The following SAXO1 variants were observed in gnomAD, a reference collection of about 807,000 sequenced individuals.
SAXO1 encodes stabilizer of axonemal microtubules 1.
A neutral mutation model predicts 17.5 loss-of-function variants in SAXO1; 21 were observed. That is an observed-to-expected ratio of 1.20 (90% CI 0.85 to 1.72). The LOEUF is 1.72. Among genes scored for constraint, SAXO1 ranks in the 40% most tolerant of loss-of-function variants. The probability of loss-of-function intolerance (pLI) is 0.00; values close to 1 mark genes in which losing one functional copy is unlikely to be tolerated. For synonymous variants in SAXO1, 274 were observed against 216.5 expected (o/e 1.27, Z -2.33); for missense variants, 843 against 596.0 (o/e 1.41, Z -4.32).
chr9:18,952,073 T>A (rs1433671219), intron 1 of SAXO1, among the ~76,000 whole-genome samples: 1 of 152,234 alleles, frequency 6.6e-6, no homozygotes, highest in South Asian at 2.1e-4. Flanking sequence ...CTTACTTATT[T>A]ACTTACTACT....
intron 1 of SAXO1, among the ~76,000 whole-genome samples, chr9:18,964,103 G>A (rs1472406970): frequency 6.6e-6 from 1 of 152,132 alleles, no homozygotes; most frequent in Non-Finnish European, 1.5e-5. Context: ...AACCAACCTC[G>A]CATCCTAGGA....
At position 18,928,962 on chromosome 9, in the gene SAXO1, G is replaced by C. The variant is rs1395364167; in HGVS notation, c.515C>G (p.Thr172Arg). The C allele has an allele frequency of 5.6e-6, 9 of 1,613,870 alleles. No individual in the cohort carries two copies. Among genetic ancestry groups the C allele is most frequent in the Non-Finnish European group, 7.6e-6 (9 of 1,180,034 alleles). Residue 172 changes from threonine (T) to arginine (R), a missense_variant, in exon 4 of 4, where the codon ACA becomes AGA. Transcript: ENST00000380534. ...TTTTATGGGGTAATCGTCCTGGTGT[G>C]TGGTTCTGTTATCAAACCTGACTGA... ...PASVRFDNRTTHQDDYPIKGL... is the reference protein window; with the variant it reads ...PASVRFDNRTRHQDDYPIKGL...
chr9:19,030,121 C>T (rs991893236), intron 1 of SAXO1, among the ~76,000 whole-genome samples: 1 of 152,032 alleles, frequency 6.6e-6, no homozygotes, highest in African/African-American at 2.4e-5. Flanking sequence ...CAAGTGAAAC[C>T]GGGCCTTACA....
In SAXO1 at chr9:18,928,964, G is replaced by T. The variant is rs1165831425; in HGVS notation, c.513C>A (p.Thr171=). 6 of 1,613,956 alleles carry T rather than the reference G, an allele frequency of 3.7e-6. No homozygotes were observed. Among genetic ancestry groups the T allele is most frequent in the Non-Finnish European group, 5.1e-6 (6 of 1,180,046 alleles). ...QPASVRFDNR[T]THQDDYPIKG... is the part of the protein sequence containing the mutation. ...TTATGGGGTAATCGTCCTGGTGTGT[G>T]GTTCTGTTATCAAACCTGACTGATG... Residue 171 remains threonine, a synonymous_variant, in exon 4 of 4, where the codon ACC becomes ACA. Coordinates refer to ENST00000380534, the MANE Select transcript of SAXO1 (RefSeq NM_153707.4).
At chr9:19,027,568 G>C in intron 1 of SAXO1, 1 of 1,355,080 alleles carries the variant, frequency 7.4e-7, no homozygotes, top group Non-Finnish European at 1.1e-6. Context: ...CACAGACTAA[G>C]GCCACCTTCC....
chr9:18,935,650 C>G (rs1359280457), intron 3 of SAXO1, among the ~76,000 whole-genome samples: 1 of 152,220 alleles, frequency 6.6e-6, no homozygotes, highest in African/African-American at 2.4e-5. Context: ...ATGAGCTTAT[C>G]AAGACCCACT....
rs551375062 is a variant in SAXO1, at chr9:18,953,888, G to A, written c.39-2951C>T. On this transcript the variant is annotated intron_variant, in intron 1 of 3. Transcript: ENST00000380534. ...TTCTAACATTAGTAGAGCCAAAAAG[G>A]GAAAGACAGATTTCTCAACGTTTAA... Among the ~76,000 whole-genome samples, 57 of 152,260 alleles carry A rather than the reference G, an allele frequency of 3.7e-4. 1 individual carries two copies. The South Asian group carries it at 0.011, about 30-fold the overall frequency.
chr9:18,941,892 A>C, intron 2 of SAXO1, 53 bp from the exon 3 acceptor site: 1 of 1,545,956 alleles, frequency 6.5e-7, no homozygotes, highest in Non-Finnish European at 8.9e-7. Context: ...GATAAGGCTT[A>C]TGTTTTCTGC....
At chr9:18,939,725 G>C (rs1831467636) in intron 3 of SAXO1, among the ~76,000 whole-genome samples, 1 of 152,152 alleles carries the variant, frequency 6.6e-6, no homozygotes, top group South Asian at 2.1e-4. Context: ...GGCAGAAAAG[G>C]TTTGGGTTTT....
chr9:18,988,899 G>A (rs1379034141), intron 1 of SAXO1, among the ~76,000 whole-genome samples: 1 of 152,136 alleles, frequency 6.6e-6, no homozygotes, highest in East Asian at 1.9e-4. Flanking sequence ...CCCAAATCAT[G>A]GTGTACCTGA....
upstream of SAXO1, among the ~76,000 whole-genome samples, chr9:19,033,936 C>G (rs570807869): frequency 6.6e-4 from 101 of 152,280 alleles, no homozygotes; most frequent in Middle Eastern, 3.4e-3. Flanking sequence ...CTTTACACCC[C>G]CTGGAATAGT....
intron 1 of SAXO1, among the ~76,000 whole-genome samples, chr9:18,965,675 ACT>A (rs1257997736): frequency 6.6e-6 from 1 of 152,028 alleles, no homozygotes; most frequent in East Asian, 1.9e-4. Flanking sequence ...AATACAGCAC[ACT>A]GATGGGTCTT....
intron 1 of SAXO1, among the ~76,000 whole-genome samples, chr9:18,997,611 G>A (rs1834061817): frequency 6.6e-6 from 1 of 152,248 alleles, no homozygotes; most frequent in African/African-American, 2.4e-5. Context: ...AGACAGCAGT[G>A]GTTCTCCCAG....
intron 1 of SAXO1, among the ~76,000 whole-genome samples, chr9:18,995,922 TACA>T (rs1344366865): frequency 4.3e-4 from 66 of 152,036 alleles, no homozygotes; most frequent in Non-Finnish European, 7.4e-5. Flanking sequence ...TTACCAAAAA[TACA>T]ACAACTAGCT....
At chr9:19,036,453 G>C (rs1835941210), upstream of SAXO1, among the ~76,000 whole-genome samples, 1 of 152,094 alleles carries the variant, frequency 6.6e-6, no homozygotes, top group Non-Finnish European at 1.5e-5. Context: ...GCAGGCCTAG[G>C]AGAAAATGGT....
chr9:18,999,399 C>A (rs1056649095), intron 1 of SAXO1, among the ~76,000 whole-genome samples: 1 of 152,146 alleles, frequency 6.6e-6, no homozygotes, highest in Non-Finnish European at 1.5e-5. Context: ...TGAGGAGCAC[C>A]TCCGCCCAGC....
Position 18,961,685 on chromosome 9 carries a change from G to A in SAXO1, c.39-10748C>T, listed in dbSNP as rs1423517549. Among the ~76,000 whole-genome samples the A allele has an allele frequency of 2.0e-5, 3 of 152,150 alleles. No homozygotes were observed. The South Asian group carries it at 6.2e-4, about 32-fold the overall frequency. On this transcript the variant is annotated intron_variant, in intron 1 of 3. Transcript: ENST00000380534. ...CATGAACTCGTACTTTTTTATGGCTGCACAGTATTCCATGGTGTATATGTG... is the reference window on the plus strand; with the variant it reads ...CATGAACTCGTACTTTTTTATGGCTACACAGTATTCCATGGTGTATATGTG...
At chr9:19,025,071 G>C (rs1038900910) in intron 1 of SAXO1, among the ~76,000 whole-genome samples, 7 of 152,048 alleles carry the variant, frequency 4.6e-5, no homozygotes, top group African/African-American at 1.7e-4. Context: ...AGGTATTTAT[G>C]AACAATTAAA....
At chr9:18,999,672 G>C (rs1052814361) in intron 1 of SAXO1, among the ~76,000 whole-genome samples, 1 of 150,908 alleles carries the variant, frequency 6.6e-6, no homozygotes, top group Non-Finnish European at 1.5e-5. Flanking sequence ...GGGAAGTGAG[G>C]AGCGCCTCTG....
Sources: gnomAD v4.1 joint callset for allele counts (sites outside exome capture counted in the v4.1 genomes callset) on GRCh38, gnomAD v4.1.1 for gene constraint, MANE v1.5 for transcripts, NCBI Gene and HGNC (gene_info 2026-07-23, HGNC 2026-07-21) for gene names.